The following CSGALNACT2 variants were observed in gnomAD, a reference collection of about 807,000 sequenced individuals.
CSGALNACT2 encodes the protein chondroitin sulfate N-acetylgalactosaminyltransferase 2.
CSGALNACT2 carries 35 observed loss-of-function variants against 55.3 expected under a neutral mutation model. That is an observed-to-expected ratio of 0.63 (90% CI 0.48 to 0.84). CSGALNACT2 has a LOEUF of 0.84. Among genes scored for constraint, CSGALNACT2 ranks in the 40% least tolerant of loss-of-function variants. CSGALNACT2 has a pLI of 0.00. For synonymous variants in CSGALNACT2, 196 were observed against 224.9 expected, an observed-to-expected ratio of 0.87 and a Z score of 1.15; for missense variants, 544 against 657.5, an observed-to-expected ratio of 0.83 and a Z score of 1.89.
intron 5 of CSGALNACT2, among the ~76,000 whole-genome samples, chr10:43,166,311 G>A (rs1224566740): frequency 6.6e-6 from 1 of 152,218 alleles, no homozygotes; most frequent in East Asian, 1.9e-4. Flanking sequence ...AGGTTGCCAT[G>A]TTACTCCCAC....
chr10:43,139,698 T>G (rs1838575959), intron 1 of CSGALNACT2, among the ~76,000 whole-genome samples: 1 of 152,260 alleles, frequency 6.6e-6, no homozygotes, highest in South Asian at 2.1e-4. Flanking sequence ...TAACTTCTCT[T>G]ATCTGCTTTT....
intron 4 of CSGALNACT2, chr10:43,163,492 C>T (rs780250728): frequency 2.0e-5 from 20 of 984,222 alleles, no homozygotes; most frequent in Admixed American, 6.1e-5. Flanking sequence ...AAAGACCTAA[C>T]GGATGCAAGA....
At chr10:43,163,803 G>GA (rs1490389270) in intron 4 of CSGALNACT2, 63 bp from the exon 5 acceptor site, 1 of 1,516,128 alleles carries the variant, frequency 6.6e-7, no homozygotes. Context: ...AAGCTGTGTT[G>GA]AAGGAAGAAA....
At chr10:43,139,233 G>A (rs1564506313) in intron 1 of CSGALNACT2, among the ~76,000 whole-genome samples, 1 of 152,158 alleles carries the variant, frequency 6.6e-6, no homozygotes, top group African/African-American at 2.4e-5. Context: ...GCGGGAGCAG[G>A]GCCTTCATGT....
intron 6 of CSGALNACT2, among the ~76,000 whole-genome samples, chr10:43,174,498 A>G (rs1839442249): frequency 6.6e-6 from 1 of 152,130 alleles, no homozygotes; most frequent in Non-Finnish European, 1.5e-5. Flanking sequence ...CCTGGGCTTC[A>G]TCTTAGGGAT....
intron 5 of CSGALNACT2, among the ~76,000 whole-genome samples, chr10:43,166,265 G>C (rs150970089): frequency 8.5e-5 from 13 of 152,292 alleles, no homozygotes; most frequent in African/African-American, 2.9e-4. Flanking sequence ...TTGAACAAAG[G>C]TAGAATGAGC....
At chr10:43,183,098 TG>T in intron 7 of CSGALNACT2, 151 bp from the exon 8 acceptor site, 1 of 652,386 alleles carries the variant, frequency 1.5e-6, no homozygotes, top group Non-Finnish European at 2.7e-6. Flanking sequence ...TTCCGGTGAC[TG>T]GGAGTCACTC....
intron 1 of CSGALNACT2, among the ~76,000 whole-genome samples, chr10:43,149,122 G>A (rs534603543): frequency 2.0e-4 from 30 of 152,166 alleles, no homozygotes; most frequent in East Asian, 9.6e-4. Context: ...TCGCTTTGTC[G>A]CCCAGGCTGC....
chr10:43,176,064 T>G (rs1468771254), intron 7 of CSGALNACT2, 32 bp downstream of exon 7: 2 of 1,514,286 alleles, frequency 1.3e-6, no homozygotes, highest in Non-Finnish European at 1.8e-6. Context: ...GGATAGGACT[T>G]TATTTACTCC....
chr10:43,150,241 T>C (rs534066994), intron 1 of CSGALNACT2, among the ~76,000 whole-genome samples: 1 of 152,346 alleles, frequency 6.6e-6, no homozygotes, highest in African/African-American at 2.4e-5. Flanking sequence ...AGTTTCTATC[T>C]TTCTAGGATT....
At position 43,155,738 on chromosome 10, in the gene CSGALNACT2, G is replaced by A. The variant is rs1008772601; in HGVS notation, c.589G>A (p.Asp197Asn). ...GGAGGTCATTAATAATCCTGATGAA[G>A]ATGATGAACAAGAAGATGAGGAGGG... ...GLEVINNPDE[D>N]DEQEDEEGPL... is the part of the protein sequence containing the mutation. The change falls in exon 2 of 8, where the codon GAT (aspartate) becomes AAT (asparagine). Residue 197 changes from aspartate to asparagine, a missense_variant. By Grantham distance (23) the Asp-to-Asn change is conservative. Transcript: ENST00000374466. 1 of 1,614,138 alleles carries A rather than the reference G, an allele frequency of 6.2e-7. No individual in the cohort carries two copies. Among genetic ancestry groups the A allele is most frequent in the Non-Finnish European group, 8.5e-7 (1 of 1,180,002 alleles).
chr10:43,157,086 C>T (rs1280124868), intron 2 of CSGALNACT2, among the ~76,000 whole-genome samples: 1 of 152,236 alleles, frequency 6.6e-6, no homozygotes, highest in Non-Finnish European at 1.5e-5. Context: ...CTGTCACTTC[C>T]TGCCATTTTT....
intron 1 of CSGALNACT2, among the ~76,000 whole-genome samples, chr10:43,145,406 GT>G (rs1195780565): frequency 2.7e-5 from 2 of 75,128 alleles, no homozygotes; most frequent in South Asian, 7.8e-4. Context: ...AAGTTTGTTT[GT>G]TTCTTTTTTT....
rs376301792 is a variant in CSGALNACT2, at chr10:43,183,421, T to C, written c.1508T>C (p.Ile503Thr). 8.7e-5 allele frequency: 140 copies of C among 1,614,046 alleles called. No individual in the cohort carries two copies. Among genetic ancestry groups the C allele is most frequent in the Non-Finnish European group, 1.1e-4 (127 of 1,180,046 alleles). ...ELTPEQYRMC[I>T]QSKAMNEASH... ...ACCCCCGAGCAGTACCGCATGTGCATCCAGTCTAAAGCCATGAATGAGGCC... is the reference window on the plus strand; with the variant it reads ...ACCCCCGAGCAGTACCGCATGTGCACCCAGTCTAAAGCCATGAATGAGGCC... Residue 503 changes from isoleucine (I) to threonine (T), a missense_variant, in exon 8 of 8, where the codon ATC becomes ACC. By Grantham distance (89) the Ile-to-Thr change is moderately conservative. Around this residue, in one of 2 missense-constraint regions of CSGALNACT2, gnomAD observed 170 missense variants for 256.2 expected, o/e 0.66. Coordinates refer to ENST00000374466, the MANE Select transcript of CSGALNACT2 (RefSeq NM_018590.5).
intron 4 of CSGALNACT2, 109 bp downstream of exon 4, chr10:43,160,704 G>T: frequency 1.5e-6 from 1 of 660,750 alleles, no homozygotes; most frequent in Non-Finnish European, 2.7e-6. Flanking sequence ...TTAAAAATTG[G>T]CTGAGCATGT....
chr10:43,158,873 A>G lies in CSGALNACT2; in HGVS notation c.820A>G (p.Ile274Val), dbSNP rs1816781715. ...MIDITRSIIN[I>V]IVPLAERTEA... Reference sequence around the variant, plus strand: ...TGACATCACTAGATCAATTATTAATATCATTGTGCCACTTGCTGAAAGAAC... The same window carrying G: ...TGACATCACTAGATCAATTATTAATGTCATTGTGCCACTTGCTGAAAGAAC... The change falls in exon 3 of 8, where the codon ATC becomes GTC. Residue 274 changes from isoleucine to valine, a missense_variant. Coordinates refer to ENST00000374466, the MANE Select transcript of CSGALNACT2 (RefSeq NM_018590.5). 1.9e-6 allele frequency: 3 copies of G among 1,612,804 alleles called. No homozygotes were observed. Among genetic ancestry groups the G allele is most frequent in the African/African-American group, 2.7e-5 (2 of 74,898 alleles).
At chr10:43,169,171 C>T (rs1359683673) in intron 6 of CSGALNACT2, among the ~76,000 whole-genome samples, 1 of 152,138 alleles carries the variant, frequency 6.6e-6, no homozygotes, top group African/African-American at 2.4e-5. Flanking sequence ...TAGCGCATTC[C>T]CCCTGAGACC....
At position 43,184,473 on chromosome 10, in the gene CSGALNACT2, T is replaced by G. The variant is rs1839654604; in HGVS notation, c.*931T>G. 1 of 152,214 alleles carries G rather than the reference T, an allele frequency of 6.6e-6. No individual in the cohort carries two copies. Among genetic ancestry groups the G allele is most frequent in the Non-Finnish European group, 1.5e-5 (1 of 68,040 alleles). The allele number at this position is 152,214 out of a possible 1,614,324, so 9.4% of individuals were successfully genotyped here. ...TGGATCCATATGTATTTACTATCCT[T>G]TTTCTAATATATTAATATATGCTAC... On this transcript the variant is annotated 3_prime_UTR_variant, in exon 8 of 8. Coordinates refer to ENST00000374466, the MANE Select transcript of CSGALNACT2 (RefSeq NM_018590.5).
chr10:43,171,046 G>GA (rs1217888880), intron 6 of CSGALNACT2, among the ~76,000 whole-genome samples: 1 of 151,510 alleles, frequency 6.6e-6, no homozygotes, highest in Non-Finnish European at 1.5e-5. Context: ...TCCTAGAATA[G>GA]AAAAAAAAGA....
Sources: allele counts gnomAD v4.1 joint callset (sites outside exome capture counted in the v4.1 genomes callset), GRCh38; gene constraint gnomAD v4.1.1; regional missense constraint gnomAD v4.1.1; transcripts MANE v1.5; gene names NCBI Gene and HGNC (gene_info 2026-07-23, HGNC 2026-07-21).